The following BEND7 variants were observed in gnomAD, a reference collection of about 807,000 sequenced individuals.
The protein encoded by BEND7 is BEN domain-containing protein 7.
In BEND7, 28 loss-of-function variants were observed where a neutral mutation model predicts 50.9. That is an observed-to-expected ratio of 0.55 (90% confidence interval 0.41 to 0.75). The LOEUF is 0.75. Among genes scored for constraint, BEND7 ranks in the 30% least tolerant of loss-of-function variants. BEND7 has a pLI of 0.00. For missense variants in BEND7, 477 were observed against 491.3 expected (o/e 0.97, Z 0.28); for synonymous variants, 170 against 183.9 (o/e 0.92, Z 0.61).
intron 6 of BEND7, among the ~76,000 whole-genome samples, chr10:13,472,039 G>A (rs920881321): frequency 4.5e-4 from 68 of 149,538 alleles, no homozygotes; most frequent in African/African-American, 1.3e-3. Context: ...GTCGATACCC[G>A]TCATCACTGT....
At chr10:13,448,984 A>AG (rs1253723858) in intron 7 of BEND7, among the ~76,000 whole-genome samples, 1 of 151,960 alleles carries the variant, frequency 6.6e-6, no homozygotes, top group Non-Finnish European at 1.5e-5. Flanking sequence ...AAAAAAAAAA[A>AG]AAAAAAAGAT....
At chr10:13,516,231 G>A (rs1018466287) in intron 2 of BEND7, among the ~76,000 whole-genome samples, 3 of 152,200 alleles carry the variant, frequency 2.0e-5, no homozygotes, top group Non-Finnish European at 2.9e-5. Flanking sequence ...CGGAGGCAAA[G>A]GTAGTCGAGG....
At chr10:13,485,686 A>G (rs2076177843) in intron 5 of BEND7, among the ~76,000 whole-genome samples, 1 of 152,218 alleles carries the variant, frequency 6.6e-6, no homozygotes, top group Non-Finnish European at 1.5e-5. Flanking sequence ...GTAGTATATT[A>G]GATGTATTTT....
chr10:13,485,982 A>C (rs1250409229), intron 5 of BEND7, among the ~76,000 whole-genome samples: 1 of 152,166 alleles, frequency 6.6e-6, no homozygotes, highest in African/African-American at 2.4e-5. Context: ...CCTGGGTTCA[A>C]GTGATCCTCT....
In BEND7 at chr10:13,512,290, A is replaced by T. The variant is rs117936805; in HGVS notation, c.146-12210T>A. The stretch of plus-strand genomic sequence containing the variant: ...TCTCTTAGAAAAAAACAAACTGGAA[A>T]CTTGGTCCATGTGAAGCCTGTTAGT... On this transcript the variant is annotated intron_variant, in intron 2 of 8. Coordinates refer to ENST00000466271, the MANE Select transcript of BEND7 (RefSeq NM_001369863.1). Among the ~76,000 whole-genome samples, 1,340 of 152,274 alleles carry T rather than the reference A, an allele frequency of 8.8e-3. 10 individuals are homozygous for T. Among genetic ancestry groups the T allele is most frequent in the Non-Finnish European group, 0.014 (983 of 68,016 alleles).
chr10:13,493,766 G>A (rs2076839757), intron 4 of BEND7, among the ~76,000 whole-genome samples: 1 of 152,180 alleles, frequency 6.6e-6, no homozygotes. Flanking sequence ...CTTGGAAAGT[G>A]TAATTGGAAA....
intron 2 of BEND7, chr10:13,511,455 G>A (rs998526623): frequency 2.0e-5 from 3 of 152,200 alleles, no homozygotes; most frequent in African/African-American, 7.2e-5. Flanking sequence ...TTCTCAAGCT[G>A]GGTATAAGGC....
intron 6 of BEND7, among the ~76,000 whole-genome samples, chr10:13,462,702 T>C (rs1449587125): frequency 6.6e-6 from 1 of 152,078 alleles, no homozygotes; most frequent in Non-Finnish European, 1.5e-5. Flanking sequence ...TAAACACTAA[T>C]AGATGTTTCA....
chr10:13,472,645 G>A (rs530889675), intron 6 of BEND7, among the ~76,000 whole-genome samples: 2 of 151,834 alleles, frequency 1.3e-5, no homozygotes, highest in African/African-American at 2.4e-5. Flanking sequence ...TCTTAGACTC[G>A]GGGTCGATAC....
rs1218935665 is a variant in BEND7 at position 13,447,265 on chromosome 10, C to T, written c.1234+1G>A. 6.2e-7 allele frequency: 1 copy of T among 1,613,998 alleles called. No homozygotes were observed. Among genetic ancestry groups the T allele is most frequent in the Admixed American group, 1.7e-5 (1 of 60,004 alleles). On this transcript the variant is annotated splice_donor_variant, in intron 8 of 8. Coordinates refer to ENST00000466271, the MANE Select transcript of BEND7 (RefSeq NM_001369863.1). LOFTEE classifies it high-confidence loss of function. ...TGAAAATGTAAATGCGTTTTATTTA[C>T]CTGTTGGTGGTAGAGCAATGCCGTC... is the stretch of plus-strand genomic sequence containing the variant.
At chr10:13,465,428 C>T (rs1470886059) in intron 6 of BEND7, among the ~76,000 whole-genome samples, 3 of 152,134 alleles carry the variant, frequency 2.0e-5, no homozygotes, top group Non-Finnish European at 4.4e-5. Flanking sequence ...GGCAGTCAGT[C>T]GTACAAGACA....
At chr10:13,486,428 A>T (rs1226936979) in intron 5 of BEND7, among the ~76,000 whole-genome samples, 1 of 152,206 alleles carries the variant, frequency 6.6e-6, no homozygotes, top group Non-Finnish European at 1.5e-5. Context: ...GTTCCTGTTG[A>T]GCAGCTCAGA....
intron 6 of BEND7, among the ~76,000 whole-genome samples, chr10:13,455,648 C>A (rs560211801): frequency 9.9e-5 from 15 of 152,184 alleles, no homozygotes; most frequent in African/African-American, 3.4e-4. Context: ...AAAGGCATCA[C>A]CCTGGGGGGG....
chr10:13,527,890 T>A, intron 1 of BEND7: 14 of 968,068 alleles, frequency 1.4e-5, no homozygotes, highest in Non-Finnish European at 1.7e-5. Flanking sequence ...TTTCTTTTCT[T>A]TTTTCTTTTT....
chr10:13,517,792 C>T (rs768857580), intron 2 of BEND7, among the ~76,000 whole-genome samples: 6 of 152,112 alleles, frequency 3.9e-5, no homozygotes, highest in South Asian at 4.2e-4. Flanking sequence ...AAGTTGCACA[C>T]GATACTCTCA....
intron 6 of BEND7, among the ~76,000 whole-genome samples, chr10:13,454,196 G>A (rs1210995805): frequency 2.0e-5 from 3 of 152,104 alleles, no homozygotes; most frequent in Non-Finnish European, 4.4e-5. Flanking sequence ...AAAGGACATC[G>A]CAGGCTTGGT....
Position 13,448,223 on chromosome 10 carries a change from A to G in BEND7, c.1184-907T>C, listed in dbSNP as rs144012383. On this transcript the variant is annotated intron_variant, in intron 7 of 8. Coordinates refer to ENST00000466271, the MANE Select transcript of BEND7 (RefSeq NM_001369863.1). ...CACAAAAAACCTTCTGTTACATGCG[A>G]AAAAAAAGGTGCACGTGTGTCTCTT... is the stretch of plus-strand genomic sequence containing the variant. 1.8e-3 allele frequency among the ~76,000 whole-genome samples: 269 copies of G among 152,152 alleles called. 1 individual carries two copies. The highest frequency in any genetic ancestry group is 2.9e-3 in the Non-Finnish European group (196 of 67,992).
chr10:13,471,202 G>A (rs1178279844), intron 6 of BEND7, among the ~76,000 whole-genome samples: 1 of 152,210 alleles, frequency 6.6e-6, no homozygotes, highest in Non-Finnish European at 1.5e-5. Flanking sequence ...TTACTAGACT[G>A]TACATTTCTG....
rs531002839 is a variant in BEND7 at position 13,516,349 on chromosome 10, G to A, written c.145+9789C>T. On this transcript the variant is annotated intron_variant, in intron 2 of 8. Coordinates refer to ENST00000466271, the MANE Select transcript of BEND7 (RefSeq NM_001369863.1). Reference sequence around the variant, plus strand: ...GTGAGTCTGCGAGGCCCGGGGTGGCGCGGAGGCTGGTGACACACAGGGGCA... The same window carrying A: ...GTGAGTCTGCGAGGCCCGGGGTGGCACGGAGGCTGGTGACACACAGGGGCA... Among the ~76,000 whole-genome samples the A allele has an allele frequency of 1.6e-4, 24 of 152,336 alleles. 1 individual carries two copies. The South Asian group carries it at 3.9e-3, about 25-fold the overall frequency.
Sources: allele counts gnomAD v4.1 joint callset (sites outside exome capture counted in the v4.1 genomes callset), GRCh38; gene constraint gnomAD v4.1.1; transcripts MANE v1.5; gene names NCBI Gene and HGNC (gene_info 2026-07-23, HGNC 2026-07-21).